The following GBP2 variants were observed in gnomAD, a reference collection of about 807,000 sequenced individuals.
The protein encoded by GBP2 is guanylate-binding protein 2.
A neutral mutation model predicts 60.8 loss-of-function variants in GBP2; 54 were observed. The observed-to-expected ratio is 0.89, with a 90% CI of 0.71 to 1.11. The LOEUF (loss-of-function observed/expected upper bound fraction) is 1.11, where lower values mean the gene tolerates loss of function less well. GBP2 is among the 50% of genes most tolerant of loss of function. GBP2 has a pLI of 0.00. For missense variants in GBP2, 665 were observed against 703.3 expected, an observed-to-expected ratio of 0.95 and a Z score of 0.62; for synonymous variants, 243 against 256.5, an observed-to-expected ratio of 0.95 and a Z score of 0.50.
intron 10 of GBP2, among the ~76,000 whole-genome samples, chr1:89,108,842 T>G (rs1189918241): frequency 1.3e-5 from 2 of 151,852 alleles, no homozygotes; most frequent in African/African-American, 4.8e-5. Context: ...AAGAAAGTAT[T>G]GGCACCATGG....
Position 89,121,890 on chromosome 1 carries a change from T to C in GBP2, c.77A>G (p.Glu26Gly). The change falls in exon 2 of 11, where the codon GAA (glutamate) becomes GGA (glycine). Residue 26 changes from glutamate to glycine, a missense_variant. Physicochemically the swap from Glu to Gly is moderately conservative, Grantham distance 98. Transcript: ENST00000370466. ...NTKGQLVVNPEALKILSAITQ... is the reference protein window; with the variant it reads ...NTKGQLVVNPGALKILSAITQ... ...AATTGCAGATAGGATCTTCAGAGCT[T>C]CTGGATTCACCACCAGCTGCCCTTT... 1 of 1,614,088 alleles carries C rather than the reference T, an allele frequency of 6.2e-7. No individual in the cohort carries two copies. Among genetic ancestry groups the C allele is most frequent in the Middle Eastern group, 1.6e-4 (1 of 6,062 alleles).
At position 89,112,631 on chromosome 1, in the gene GBP2, T is replaced by C. The variant is rs746735174; in HGVS notation, c.1203A>G (p.Ser401=). 3.1e-6 allele frequency: 5 copies of C among 1,614,198 alleles called. No homozygotes were observed. In the East Asian group the frequency reaches 6.7e-5, roughly 22 times the overall value. ...DDFCKQNSKA[S]SDCCMALLQD... is the part of the protein sequence containing the mutation. ...GAAGTAAAGCCATGCAACAATCTGA[T>C]GATGCTTTGGAATTCTGCTTACAAA... The change falls in exon 8 of 11, where the codon TCA becomes TCG. Residue 401 remains serine (S), a synonymous_variant. Transcript: ENST00000370466.
At position 89,117,883 on chromosome 1, in the gene GBP2, T is replaced by G. The variant is rs1570321315; in HGVS notation, c.429-110A>C. ...TTCTTTTTATTAGCTCATTCATTCA[T>G]TCACAAACATTTATTTACAGAATTC... On this transcript the variant is annotated intron_variant, in intron 4 of 10. Transcript: ENST00000370466. 3 of 825,128 alleles carry G rather than the reference T, an allele frequency of 3.6e-6. No individual in the cohort carries two copies. In the East Asian group the frequency reaches 8.1e-5, roughly 22 times the overall value. The allele number at this position is 825,128 out of a possible 1,614,324, so 51.1% of individuals were successfully genotyped here.
chr1:89,117,546 T>G (rs1337622427), intron 5 of GBP2, 31 bp downstream of exon 5: 4 of 1,561,412 alleles, frequency 2.6e-6, no homozygotes, highest in African/African-American at 1.4e-5. Flanking sequence ...GCTCTCTATT[T>G]ATTACCCAAC....
Position 89,121,143 on chromosome 1 carries a change from C to G in GBP2, c.318G>C (p.Lys106Asn). 1 of 1,604,580 alleles carries G rather than the reference C, an allele frequency of 6.2e-7. No individual in the cohort carries two copies. Among genetic ancestry groups the G allele is most frequent in the Non-Finnish European group, 8.5e-7 (1 of 1,175,918 alleles). Residue 106 changes from lysine to asparagine, a missense_variant and splice_region_variant, in exon 3 of 11, where the codon AAG (lysine) becomes AAC (asparagine). Lys to Asn is a moderately conservative substitution (Grantham distance 94). Coordinates refer to ENST00000370466, the MANE Select transcript of GBP2 (RefSeq NM_004120.5). ...LDTEGLGDIE[K>N]GDNENDSWIF... is the part of the protein sequence containing the mutation. ...TTTTTAAAATACTTATTTTTTTTAC[C>G]TTCTCTATATCTCCCAGGCCCTCAG... is the stretch of plus-strand genomic sequence containing the variant.
In GBP2 at chr1:89,121,304, T is replaced by G. The variant is rs767535049; in HGVS notation, c.191-34A>C. ...GGAGAGGATAAAAGGGAAAAGAAAT[T>G]ACTTAGTAGGTGTTTCTGGAAATTG... On this transcript the variant is annotated intron_variant, in intron 2 of 10. Transcript: ENST00000370466. 5 of 1,559,592 alleles carry G rather than the reference T, an allele frequency of 3.2e-6. No individual in the cohort carries two copies. In the South Asian group the frequency reaches 6.0e-5, roughly 19 times the overall value.
At position 89,121,264 on chromosome 1, in the gene GBP2, G is replaced by A. The variant is rs772894734; in HGVS notation, c.197C>T (p.Ser66Phe). Residue 66 changes from serine to phenylalanine, a missense_variant, in exon 3 of 11, where the codon TCT becomes TTT. Transcript: ENST00000370466. The stretch of plus-strand genomic sequence containing the variant: ...GTGAGACTTCACTGTGGAGCCTAGA[G>A]AGAAGCCTGTAGAAGGAGAGGATAA... ...NKLAGKKNGF[S>F]LGSTVKSHTK... The A allele has an allele frequency of 5.6e-6, 9 of 1,604,690 alleles. No homozygotes were observed. Among genetic ancestry groups the A allele is most frequent in the East Asian group, 4.5e-5 (2 of 44,612 alleles).
At chr1:89,113,760 A>C (rs560977410) in intron 7 of GBP2, among the ~76,000 whole-genome samples, 1 of 152,336 alleles carries the variant, frequency 6.6e-6, no homozygotes, top group South Asian at 2.1e-4. Flanking sequence ...AATAGTCTTT[A>C]ACAATGCAGT....
At chr1:89,116,512 A>T (rs1681276496) in intron 6 of GBP2, among the ~76,000 whole-genome samples, 1 of 148,612 alleles carries the variant, frequency 6.7e-6, no homozygotes, top group African/African-American at 2.5e-5. Context: ...TGCTCCTATT[A>T]TGCTGGAATG....
chr1:89,109,285 A>G (rs576954665), intron 10 of GBP2, among the ~76,000 whole-genome samples: 160 of 152,302 alleles, frequency 1.1e-3, no homozygotes, highest in Non-Finnish European at 2.0e-3. Context: ...GATCCCTCTC[A>G]GTAGGAAAGA....
intron 1 of GBP2, among the ~76,000 whole-genome samples, chr1:89,124,228 C>T (rs1406271549): frequency 1.3e-5 from 2 of 152,104 alleles, no homozygotes; most frequent in African/African-American, 4.8e-5. Context: ...TTTTATATTG[C>T]TATAGGAGTA....
intron 8 of GBP2, 35 bp downstream of exon 8, chr1:89,112,437 G>T (rs766287886): frequency 1.9e-6 from 3 of 1,578,436 alleles, no homozygotes; most frequent in African/African-American, 1.4e-5. Flanking sequence ...TCCCCTCAGC[G>T]AGTCCCAAGA....
At chr1:89,112,852 C>A in intron 7 of GBP2, 168 bp from the exon 8 acceptor site, 2 of 598,832 alleles carry the variant, frequency 3.3e-6, no homozygotes, top group South Asian at 4.1e-5. Context: ...GTGCTTATTG[C>A]AGAAATTTAT....
chr1:89,110,506 C>T (rs1191898119), intron 8 of GBP2, among the ~76,000 whole-genome samples: 1 of 152,080 alleles, frequency 6.6e-6, no homozygotes, highest in Non-Finnish European at 1.5e-5. Context: ...AATACCCCCC[C>T]ACACACACCA....
At position 89,108,198 on chromosome 1, in the gene GBP2, C is replaced by G. The variant is rs1681091857; in HGVS notation, c.1753G>C (p.Glu585Gln). ...TTTTAGAGTATGTTACATATTGGCT[C>G]CAATGATTTGCTTCTCATCTGGATA... ...WDIQMRSKSL[E>Q]PICNIL The change falls in exon 11 of 11, where the codon GAG becomes CAG. Residue 585 changes from glutamate to glutamine, a missense_variant. By Grantham distance (29) the Glu-to-Gln change is conservative. Transcript: ENST00000370466. 1 of 1,610,946 alleles carries G rather than the reference C, an allele frequency of 6.2e-7. No homozygotes were observed.
At chr1:89,118,953 A>G (rs940166567) in intron 4 of GBP2, 9 of 152,192 alleles carry the variant, frequency 5.9e-5, no homozygotes, top group African/African-American at 2.2e-4. Flanking sequence ...ATGTTGCACC[A>G]GAAGCTGGAT....
chr1:89,116,164 C>T (rs1018551368), intron 6 of GBP2, among the ~76,000 whole-genome samples: 2 of 152,026 alleles, frequency 1.3e-5, no homozygotes, highest in Non-Finnish European at 2.9e-5. Flanking sequence ...AGGTGTTAGC[C>T]ACCATGCCTG....
intron 3 of GBP2, among the ~76,000 whole-genome samples, chr1:89,120,622 T>C (rs3766942): frequency 0.73 from 111,677 of 152,166 alleles, 41,247 homozygotes; most frequent in African/African-American, 0.8. Flanking sequence ...CATAGTAAGA[T>C]ATTTTTTACA....
rs1385722521 is a variant in GBP2, at chr1:89,112,796, GC to G, written c.1150-113del. 5 of 752,850 alleles carry G rather than the reference GC, an allele frequency of 6.6e-6. No individual in the cohort carries two copies. In the African/African-American group the frequency reaches 8.7e-5, roughly 13 times the overall value. 46.6% of individuals were successfully genotyped at this position (752,850 alleles called of 1,614,324 possible). A position where few individuals can be genotyped will look rare whatever the true frequency, so the allele number is the denominator to read the frequency against. ...CAGAAATTGTGGCCCTCTAAATAGG[GC>G]CATGCTCCTCACATTGCTGTTAGAT... On this transcript the variant is annotated intron_variant, in intron 7 of 10. Coordinates refer to ENST00000370466, the MANE Select transcript of GBP2 (RefSeq NM_004120.5).
Sources: allele counts gnomAD v4.1 joint callset (sites outside exome capture counted in the v4.1 genomes callset), GRCh38; gene constraint gnomAD v4.1.1; transcripts MANE v1.5; gene names NCBI Gene and HGNC (gene_info 2026-07-23, HGNC 2026-07-21).